HEPH: variants seen among roughly 807,000 people sequenced by gnomAD.
HEPH encodes hephaestin.
Under a neutral mutation model 80.8 loss-of-function variants are expected in HEPH, and 69 were observed. That is an observed-to-expected ratio of 0.85 (90% confidence interval 0.70 to 1.04). The LOEUF is 1.04. Among genes scored for constraint, HEPH ranks in the 50% least tolerant of loss-of-function variants. HEPH has a pLI of 0.00. For synonymous variants in HEPH, 431 were observed against 322.8 expected (o/e 1.34, Z -3.60); for missense variants, 1,115 against 891.3 (o/e 1.25, Z -3.20).
chrX:66,203,660 T>G, intron 13 of HEPH, 83 bp downstream of exon 13: 1 of 816,245 alleles, frequency 1.2e-6, no homozygotes, highest in Non-Finnish European at 1.8e-6. Flanking sequence ...ATGAGGAGAC[T>G]CTTATCTCAG....
Position 66,208,215 on chromosome X carries a change from T to G in HEPH, c.2532T>G (p.Ser844=), listed in dbSNP as rs1469956606. 8.3e-7 allele frequency: 1 copy of G among 1,208,916 alleles called. No individual in the cohort carries two copies. The highest frequency in any genetic ancestry group is 1.8e-5 in the South Asian group (1 of 56,313). The change falls in exon 15 of 21, where the codon TCT becomes TCG. Residue 844 remains serine, a synonymous_variant. Coordinates refer to ENST00000343002, the MANE Select transcript of HEPH (RefSeq NM_001367233.3). ...YSVHAHGVLE[S]TTVWPLAAEP... ...TGCATGCTCATGGAGTGCTAGAATC[T>G]ACTACTGTCTGGCCACTGGCTGCTG...
chrX:66,180,994 C>T (rs1224190756), intron 4 of HEPH, among the ~76,000 whole-genome samples: 1 of 97,733 alleles, frequency 1.0e-5, no homozygotes, highest in African/African-American at 3.8e-5. Flanking sequence ...TGATGGTTTC[C>T]AGTTTCATCC....
intron 13 of HEPH, among the ~76,000 whole-genome samples, chrX:66,205,158 C>T (rs776020770): frequency 1.8e-5 from 2 of 111,556 alleles, no homozygotes; most frequent in African/African-American, 3.3e-5. Flanking sequence ...TATGGGGGTA[C>T]ATGTGCAGGT....
At chrX:66,264,211 C>A (rs1341104570) in intron 20 of HEPH, among the ~76,000 whole-genome samples, 1 of 107,216 alleles carries the variant, frequency 9.3e-6, no homozygotes, top group Non-Finnish European at 1.9e-5. Context: ...ACAATTCATC[C>A]ATGTAACCAA....
At chrX:66,225,249 A>G (rs1021260123) in intron 15 of HEPH, among the ~76,000 whole-genome samples, 1 of 111,712 alleles carries the variant, frequency 9.0e-6, no homozygotes, top group African/African-American at 3.3e-5. Flanking sequence ...AAATTTTTCA[A>G]CATAGTTCCT....
At chrX:66,227,530 G>T (rs2089942930) in intron 15 of HEPH, among the ~76,000 whole-genome samples, 1 of 111,703 alleles carries the variant, frequency 9.0e-6, no homozygotes, top group Non-Finnish European at 1.9e-5. Context: ...AAACCCTAAA[G>T]ACACATCTGG....
In HEPH at chrX:66,202,942, C is replaced by T. The variant is rs868855812; in HGVS notation, c.2078-422C>T. 4.7e-3 allele frequency among the ~76,000 whole-genome samples: 415 copies of T among 88,885 alleles called. 2 individuals are homozygous for T. Among genetic ancestry groups the T allele is most frequent in the African/African-American group, 0.019 (350 of 18,602 alleles). The allele number at this position is 88,885 out of a possible 115,157, so 77.2% of individuals were successfully genotyped here. ...ATATATATATATATATATATATACA[C>T]ACACACACACACACATAATATATTT... On this transcript the variant is annotated intron_variant, in intron 12 of 20. Coordinates refer to ENST00000343002, the MANE Select transcript of HEPH (RefSeq NM_001367233.3).
intron 15 of HEPH, among the ~76,000 whole-genome samples, chrX:66,229,248 G>A (rs1249730247): frequency 1.8e-5 from 2 of 112,106 alleles, no homozygotes; most frequent in Non-Finnish European, 3.8e-5. Flanking sequence ...AGATATATAT[G>A]TGCCATGGAA....
chrX:66,267,941 A>G (rs2091578398), downstream of HEPH: 2 of 111,878 alleles, frequency 1.8e-5, no homozygotes, highest in Admixed American at 1.9e-4. Context: ...CAGAAGAGGT[A>G]TCAAGGAGAG....
At chrX:66,244,256 CA>C (rs2090717239) in intron 15 of HEPH, among the ~76,000 whole-genome samples, 1 of 112,004 alleles carries the variant, frequency 8.9e-6, no homozygotes, top group Non-Finnish European at 1.9e-5. Flanking sequence ...TGGATATTTT[CA>C]AGTGTGTTTT....
At chrX:66,218,814 A>T (rs775071166) in intron 15 of HEPH, among the ~76,000 whole-genome samples, 2 of 105,796 alleles carry the variant, frequency 1.9e-5, no homozygotes, top group Non-Finnish European at 1.9e-5. Flanking sequence ...GGATTTTTAC[A>T]GTGCTTTTCT....
rs1253491826 is a variant in HEPH, at chrX:66,188,551, G to A, written c.808+10G>A. 6 of 1,193,068 alleles carry A rather than the reference G, an allele frequency of 5.0e-6. No homozygotes were observed. Among genetic ancestry groups the A allele is most frequent in the Middle Eastern group, 2.3e-4 (1 of 4,303 alleles). ...AGCAATAGGATGCATGGTGAGTTGG[G>A]AAAAGGTGGCCACATTGTGACAGGG... On this transcript the variant is annotated intron_variant, in intron 5 of 20. Transcript: ENST00000343002.
intron 12 of HEPH, 40 bp from the exon 13 acceptor site, chrX:66,203,324 G>T (rs757258767): frequency 2.1e-5 from 24 of 1,137,763 alleles, no homozygotes; most frequent in Non-Finnish European, 2.3e-5. Flanking sequence ...ACTACCCAGG[G>T]ATGTTCTGAG....
intron 15 of HEPH, among the ~76,000 whole-genome samples, chrX:66,210,253 T>A (rs1345953654): frequency 8.9e-6 from 1 of 111,909 alleles, no homozygotes; most frequent in Admixed American, 9.5e-5. Flanking sequence ...GAGCAGAAAA[T>A]TTTCCATTGC....
chrX:66,175,151 G>T (rs910352973), intron 4 of HEPH, among the ~76,000 whole-genome samples: 1 of 112,148 alleles, frequency 8.9e-6, no homozygotes, highest in Non-Finnish European at 1.9e-5. Context: ...TCAGGTTTTA[G>T]ATTTAAGTCC....
At chrX:66,249,052 G>T (rs1459364388) in intron 15 of HEPH, among the ~76,000 whole-genome samples, 2 of 111,603 alleles carry the variant, frequency 1.8e-5, no homozygotes, top group Non-Finnish European at 3.8e-5. Context: ...GATTCAAAGG[G>T]TAGAAAAACA....
chrX:66,203,681 G>C, intron 13 of HEPH, 104 bp downstream of exon 13: 1 of 669,543 alleles, frequency 1.5e-6, no homozygotes, highest in Non-Finnish European at 2.3e-6. Context: ...GTCTCCTAAT[G>C]TGATACCAAC....
chrX:66,217,406 G>A (rs968978602), intron 15 of HEPH, among the ~76,000 whole-genome samples: 2 of 111,561 alleles, frequency 1.8e-5, no homozygotes, highest in African/African-American at 6.5e-5. Context: ...ACAATTATCA[G>A]CCAAGAATTT....
chrX:66,197,600 T>C (rs2088171923), intron 9 of HEPH, 83 bp from the exon 10 acceptor site: 1 of 836,740 alleles, frequency 1.2e-6, no homozygotes, highest in East Asian at 3.2e-5. Context: ...GCCTTTGTAG[T>C]TCATAATCTT....
Sources: allele counts gnomAD v4.1 joint callset (sites outside exome capture counted in the v4.1 genomes callset), GRCh38; gene constraint gnomAD v4.1.1; transcripts MANE v1.5; gene names NCBI Gene and HGNC (gene_info 2026-07-23, HGNC 2026-07-21).